LRRK2: variants seen among roughly 807,000 people sequenced by gnomAD.
LRRK2 encodes the protein leucine-rich repeat serine/threonine-protein kinase 2.
LRRK2 carries 203 observed loss-of-function variants against 302.6 expected under a neutral mutation model. The ratio of observed to expected loss-of-function variants is 0.67; its 90% CI spans 0.60 to 0.75. The LOEUF (loss-of-function observed/expected upper bound fraction) is 0.75. Ranked by LOEUF, LRRK2 falls within the 30% of genes least tolerant of loss-of-function variation. The probability of loss-of-function intolerance (pLI) is 0.00; values close to 1 mark genes in which losing one functional copy is unlikely to be tolerated. For missense variants in LRRK2, 2,830 were observed against 2,951.0 expected, an observed-to-expected ratio of 0.96 and a Z score of 0.95; for synonymous variants, 1,066 against 1,031.9, an observed-to-expected ratio of 1.03 and a Z score of -0.63.
intron 39 of LRRK2, among the ~76,000 whole-genome samples, chr12:40,332,533 C>A (rs1280041344): frequency 6.6e-6 from 1 of 152,060 alleles, no homozygotes. Flanking sequence ...ACAAAAAATT[C>A]TTAGTGGCTA....
rs1310549474 is a variant in LRRK2, at chr12:40,278,107, G to T, written c.2087G>T (p.Cys696Phe). 6.2e-7 allele frequency: 1 copy of T among 1,613,986 alleles called. No individual in the cohort carries two copies. The highest frequency in any genetic ancestry group is 1.1e-5 in the South Asian group (1 of 91,088). ...TCTTTTTAGTTTCTAAACCTCTGTT[G>T]CAAGTGTTTTGCAAAAGTAGCTATG... ...QKDQQFLNLC[C>F]KCFAKVAMDD... is the part of the protein sequence containing the mutation. Residue 696 changes from cysteine to phenylalanine, a missense_variant, in exon 18 of 51, where the codon TGC becomes TTC. Cys to Phe is a radical substitution (Grantham distance 205). Around this residue, in one of 3 missense-constraint regions of LRRK2, gnomAD observed 2,121 missense variants for 2,148.0 expected, o/e 0.99. Coordinates refer to ENST00000298910, the MANE Select transcript of LRRK2 (RefSeq NM_198578.4).
intron 45 of LRRK2, among the ~76,000 whole-genome samples, chr12:40,355,354 G>T (rs1402429094): frequency 1.3e-5 from 2 of 152,098 alleles, no homozygotes; most frequent in Non-Finnish European, 2.9e-5. Context: ...AAGCGCAGGG[G>T]TGAGCTAATG....
intron 7 of LRRK2, among the ~76,000 whole-genome samples, chr12:40,245,515 G>A (rs1293264899): frequency 1.3e-5 from 2 of 152,006 alleles, no homozygotes; most frequent in Non-Finnish European, 2.9e-5. Flanking sequence ...TTTAGGCACA[G>A]CTTGCCTTTT....
rs200462425 is a variant in LRRK2 at position 40,251,365 on chromosome 12, G to A, written c.1092G>A (p.Lys364=). 1.5e-5 allele frequency: 25 copies of A among 1,613,842 alleles called. No homozygotes were observed. The highest frequency in any genetic ancestry group is 1.2e-4 in the African/African-American group (9 of 74,996). The change falls in exon 9 of 51, where the codon AAG becomes AAA. Residue 364 remains lysine, a synonymous_variant. Transcript: ENST00000298910. ...CATTAACGTGGCATAGAAAGAACAA[G>A]CACGTGCAGGTAGGACTCTCATAAA... ...YKALTWHRKN[K]HVQEAACWAL...
In LRRK2 at chr12:40,284,013, C is replaced by T. The variant is rs143619089; in HGVS notation, c.2380C>T (p.Leu794=). Residue 794 remains leucine (L), a synonymous_variant, in exon 19 of 51, where the codon CTG becomes TTG. Transcript: ENST00000298910. The part of the protein sequence containing the change: ...SQIISLLLRR[L]ALDVANNSIC... The stretch of plus-strand genomic sequence containing the variant: ...GATCATCAGCTTGCTCTTAAGGAGG[C>T]TGGCCCTGGATGTGGCCAACAATAG... 6 of 1,614,030 alleles carry T rather than the reference C, an allele frequency of 3.7e-6. No homozygotes were observed. Among genetic ancestry groups the T allele is most frequent in the Non-Finnish European group, 5.1e-6 (6 of 1,179,918 alleles).
intron 26 of LRRK2, among the ~76,000 whole-genome samples, 156 bp from the exon 27 acceptor site, chr12:40,303,792 A>G (rs1250429502): frequency 6.6e-6 from 1 of 152,098 alleles, no homozygotes; most frequent in Non-Finnish European, 1.5e-5. Flanking sequence ...TGGTGGTTCA[A>G]CTTCAGGCTC....
intron 14 of LRRK2, among the ~76,000 whole-genome samples, chr12:40,271,782 A>T (rs1286085780): frequency 6.6e-6 from 1 of 152,128 alleles, no homozygotes; most frequent in Non-Finnish European, 1.5e-5. Flanking sequence ...TGGTTTATTA[A>T]TGCACCATCA....
At chr12:40,347,299 A>G (rs1003338034) in intron 42 of LRRK2, among the ~76,000 whole-genome samples, 41 of 152,216 alleles carry the variant, frequency 2.7e-4, no homozygotes, top group African/African-American at 8.0e-4. Context: ...GGAAGACTGA[A>G]TGATCTATAA....
intron 33 of LRRK2, among the ~76,000 whole-genome samples, chr12:40,319,421 G>A (rs1269862364): frequency 6.6e-6 from 1 of 151,960 alleles, no homozygotes; most frequent in Middle Eastern, 3.4e-3. Context: ...TAGAAACATC[G>A]GGGTTGCTCT....
At position 40,299,224 on chromosome 12, in the gene LRRK2, G is replaced by A. The variant is rs1436779603; in HGVS notation, c.3463G>A (p.Val1155Met). The A allele has an allele frequency of 6.2e-7, 1 of 1,613,544 alleles. No individual in the cohort carries two copies. The highest frequency in any genetic ancestry group is 2.2e-5 in the East Asian group (1 of 44,786). ...SENFLEACPK[V>M]ESFSARMNFL... ...GAACTTTCTTGAGGCTTGTCCTAAA[G>A]TGGAGAGTTTCAGTGCCAGAATGAA... Residue 1155 changes from valine to methionine, a missense_variant, in exon 25 of 51, where the codon GTG becomes ATG. Val to Met is a conservative substitution (Grantham distance 21, BLOSUM62 1). Coordinates refer to ENST00000298910, the MANE Select transcript of LRRK2 (RefSeq NM_198578.4).
chr12:40,312,677 ACAATACTC>A (rs1945073520), intron 31 of LRRK2: 1 of 152,084 alleles, frequency 6.6e-6, no homozygotes, highest in South Asian at 2.1e-4. Flanking sequence ...TTCAATGCTG[ACAATACTC>A]CTTTTAATCT....
chr12:40,232,416 T>G, intron 3 of LRRK2, 33 bp downstream of exon 3: 5 of 1,494,904 alleles, frequency 3.3e-6, no homozygotes, highest in Non-Finnish European at 4.7e-6. Context: ...ACAAATGGCC[T>G]TGAGTATTTA....
Position 40,293,546 on chromosome 12 carries a change from A to C in LRRK2, c.2691A>C (p.Gly897=), listed in dbSNP as rs754180661. 3.2e-6 allele frequency: 5 copies of C among 1,572,126 alleles called. No individual in the cohort carries two copies. The highest frequency in any genetic ancestry group is 3.5e-6 in the Non-Finnish European group (4 of 1,143,744). Residue 897 remains glycine (G), a splice_region_variant and synonymous_variant, in exon 21 of 51, where the codon GGA becomes GGC. Coordinates refer to ENST00000298910, the MANE Select transcript of LRRK2 (RefSeq NM_198578.4). ...FAQSDDLDSE[G]SEGSFLVKKK... ...GTTATTTTATCATTTTCAAAATAGGAAGTGAAGGCTCATTTCTTGTGAAAA... is the reference window on the plus strand; with the variant it reads ...GTTATTTTATCATTTTCAAAATAGGCAGTGAAGGCTCATTTCTTGTGAAAA...
At position 40,354,295 on chromosome 12, in the gene LRRK2, A is replaced by C. The variant is rs748088731; in HGVS notation, c.6577-4A>C. On this transcript the variant is annotated splice_region_variant and splice_polypyrimidine_tract_variant and intron_variant, in intron 44 of 50. Transcript: ENST00000298910. ...CTGCTAAGTATATTTTCTTTTCTTA[A>C]CAGGAAGTTGCTGATAGTAGAATAT... The C allele has an allele frequency of 6.8e-6, 11 of 1,613,048 alleles. No individual in the cohort carries two copies.
intron 28 of LRRK2, among the ~76,000 whole-genome samples, chr12:40,307,270 T>C (rs559149069): frequency 4.6e-5 from 7 of 152,112 alleles, no homozygotes; most frequent in African/African-American, 1.7e-4. Context: ...TCTTATTAGT[T>C]ACAGGAATGA....
At chr12:40,298,546 A>G in intron 24 of LRRK2, 53 bp downstream of exon 24, 1 of 1,598,138 alleles carries the variant, frequency 6.3e-7, no homozygotes, top group Non-Finnish European at 8.6e-7. Flanking sequence ...GCTGATGTTA[A>G]CAAAATATGC....
At position 40,368,761 on chromosome 12, in the gene LRRK2, T is replaced by G. The variant is rs975397641; in HGVS notation, c.*996T>G. ...CATGAGGATAAATATCTAACACTTT[T>G]CAGTTGCTGAAGGAGAAAGGAGCTT... On this transcript the variant is annotated 3_prime_UTR_variant, in exon 51 of 51. Coordinates refer to ENST00000298910, the MANE Select transcript of LRRK2 (RefSeq NM_198578.4). 1 of 151,676 alleles carries G rather than the reference T, an allele frequency of 6.6e-6. No individual in the cohort carries two copies. Among genetic ancestry groups the G allele is most frequent in the Non-Finnish European group, 1.5e-5 (1 of 67,650 alleles). 9.4% of individuals were successfully genotyped at this position (151,676 alleles called of 1,614,324 possible).
intron 6 of LRRK2, among the ~76,000 whole-genome samples, chr12:40,241,289 C>T (rs957564811): frequency 6.6e-6 from 1 of 152,096 alleles, no homozygotes; most frequent in Non-Finnish European, 1.5e-5. Context: ...GCATGAAGGG[C>T]CTAAAAAGCC....
chr12:40,323,220 C>T lies in LRRK2; in HGVS notation c.5570C>T (p.Pro1857Leu). The change falls in exon 38 of 51, where the codon CCT (proline) becomes CTT (leucine). Residue 1857 changes from proline to leucine, a missense_variant. Transcript: ENST00000298910. ...ACCATTCCAATATCTCAGATTGCCCCTGACTTGATTTTGGCTGACCTGCCT... is the reference window on the plus strand; with the variant it reads ...ACCATTCCAATATCTCAGATTGCCCTTGACTTGATTTTGGCTGACCTGCCT... ...RLTIPISQIA[P>L]DLILADLPRN... 6.2e-7 allele frequency: 1 copy of T among 1,613,248 alleles called. No individual in the cohort carries two copies. The highest frequency in any genetic ancestry group is 1.1e-5 in the South Asian group (1 of 91,038).
Sources: gnomAD v4.1 joint callset for allele counts (sites outside exome capture counted in the v4.1 genomes callset) on GRCh38, gnomAD v4.1.1 for gene constraint, gnomAD v4.1.1 regional missense constraint, MANE v1.5 for transcripts, NCBI Gene and HGNC (gene_info 2026-07-23, HGNC 2026-07-21) for gene names.